Variants in MELK observed in about 807,000 individuals in gnomAD.
MELK encodes the protein pEg3 kinase.
Under a neutral mutation model 85.0 loss-of-function variants are expected in MELK, and 81 were observed. That is an observed-to-expected ratio of 0.95 (90% CI 0.80 to 1.15). The LOEUF is 1.15. Ranked by LOEUF, MELK falls within the 50% of genes most tolerant of loss-of-function variation. The pLI is 0.00. For missense variants in MELK, 754 were observed against 777.5 expected (o/e 0.97, Z 0.36); for synonymous variants, 252 against 265.0 (o/e 0.95, Z 0.48).
At chr9:36,664,755 G>C (rs1027029707) in intron 13 of MELK, among the ~76,000 whole-genome samples, 3 of 152,120 alleles carry the variant, frequency 2.0e-5, no homozygotes, top group African/African-American at 7.2e-5. Flanking sequence ...GAGGCCCAAG[G>C]CTTCTGTGGC....
chr9:36,602,346 C>T (rs935549844), intron 7 of MELK, among the ~76,000 whole-genome samples: 9 of 151,686 alleles, frequency 5.9e-5, no homozygotes, highest in African/African-American at 2.2e-4. Flanking sequence ...TAAAAATTAG[C>T]TAGGCATGGT....
At chr9:36,596,269 T>C (rs986253541) in intron 5 of MELK, among the ~76,000 whole-genome samples, 3 of 152,106 alleles carry the variant, frequency 2.0e-5, no homozygotes. Context: ...TGCTAGTGAG[T>C]CTTATGGGGA....
chr9:36,574,885 C>T (rs1821487515), intron 1 of MELK, among the ~76,000 whole-genome samples: 1 of 152,172 alleles, frequency 6.6e-6, no homozygotes, highest in Middle Eastern at 3.4e-3. Flanking sequence ...GCCTGTAATC[C>T]CAGCACTTTG....
intron 10 of MELK, among the ~76,000 whole-genome samples, chr9:36,636,994 G>A (rs1184444507): frequency 1.3e-5 from 2 of 151,572 alleles, no homozygotes; most frequent in East Asian, 1.9e-4. Context: ...GCCACCACCC[G>A]GCTAATTTTT....
intron 8 of MELK, among the ~76,000 whole-genome samples, chr9:36,616,166 A>G (rs1032753704): frequency 7.9e-5 from 12 of 152,052 alleles, no homozygotes; most frequent in Non-Finnish European, 8.8e-5. Context: ...AGTAAAATTG[A>G]CCCTTTGTAT....
chr9:36,618,049 A>G (rs1827022921), intron 8 of MELK, among the ~76,000 whole-genome samples: 1 of 151,726 alleles, frequency 6.6e-6, no homozygotes, highest in Non-Finnish European at 1.5e-5. Context: ...GGATTGCTTG[A>G]GCCTAGGAGT....
chr9:36,591,866 C>T (rs1823625324), intron 4 of MELK, among the ~76,000 whole-genome samples: 1 of 151,858 alleles, frequency 6.6e-6, no homozygotes, highest in African/African-American at 2.4e-5. Flanking sequence ...ATATAGGCTA[C>T]AGTGAGCTAT....
At chr9:36,669,828 G>T (rs1832730951) in intron 15 of MELK, among the ~76,000 whole-genome samples, 1 of 152,058 alleles carries the variant, frequency 6.6e-6, no homozygotes, top group Non-Finnish European at 1.5e-5. Flanking sequence ...AACTCTTCAA[G>T]TTGCTATTCT....
At chr9:36,585,743 C>A (rs1822824975) in intron 3 of MELK, among the ~76,000 whole-genome samples, 1 of 152,010 alleles carries the variant, frequency 6.6e-6, no homozygotes. Flanking sequence ...TCGAGACTAG[C>A]CTGGGCAATA....
At chr9:36,615,803 T>C (rs1168998540) in intron 8 of MELK, among the ~76,000 whole-genome samples, 31 of 143,512 alleles carry the variant, frequency 2.2e-4, no homozygotes, top group South Asian at 4.6e-4. Flanking sequence ...TGATGGCGGC[T>C]GGGAAGAGGC....
intron 8 of MELK, 115 bp from the exon 9 acceptor site, chr9:36,630,184 A>G (rs1384694876): frequency 1.3e-6 from 1 of 779,142 alleles, no homozygotes; most frequent in Non-Finnish European, 2.2e-6. Flanking sequence ...TTTACCAAGT[A>G]TTGTAGTTGG....
At chr9:36,620,047 G>C (rs1008274072) in intron 8 of MELK, among the ~76,000 whole-genome samples, 5 of 152,186 alleles carry the variant, frequency 3.3e-5, no homozygotes, top group African/African-American at 4.8e-5. Context: ...TCCTCTTACA[G>C]ATGAAGAAAT....
At chr9:36,604,360 C>T (rs955935526) in intron 7 of MELK, among the ~76,000 whole-genome samples, 6 of 146,004 alleles carry the variant, frequency 4.1e-5, no homozygotes, top group African/African-American at 1.5e-4. Context: ...CTCACTGCAA[C>T]CTCTGCCTCC....
Position 36,596,679 on chromosome 9 carries a change from C to T in MELK, c.406-543C>T, listed in dbSNP as rs149020106. Among the ~76,000 whole-genome samples the T allele has an allele frequency of 4.4e-3, 655 of 150,372 alleles. 9 individuals are homozygous for T. Among genetic ancestry groups the T allele is most frequent in the Admixed American group, 0.027 (408 of 15,058 alleles). On this transcript the variant is annotated intron_variant, in intron 5 of 17. Transcript: ENST00000298048. ...TCGGCTCACCCCAACCCCCGCCTCCCGGGCTCAAGCAGTTCTTTTGCCTCA... is the reference window on the plus strand; with the variant it reads ...TCGGCTCACCCCAACCCCCGCCTCCTGGGCTCAAGCAGTTCTTTTGCCTCA...
chr9:36,651,210 A>C (rs1237153283), intron 11 of MELK, among the ~76,000 whole-genome samples: 1 of 152,220 alleles, frequency 6.6e-6, no homozygotes, highest in Non-Finnish European at 1.5e-5. Context: ...GGCGTCTCCC[A>C]GGACCCTACT....
At position 36,589,540 on chromosome 9, in the gene MELK, A is replaced by AT; in HGVS notation, c.152dup (p.Leu51PhefsTer9). On this transcript the variant is annotated frameshift_variant, in exon 4 of 18. Transcript: ENST00000298048. LOFTEE classifies it high-confidence loss of function. ...CCATATGATGTTTTGTCACAGAGTG[A>AT]TTTGCCCCGGATCAAAACGGAGATT... The AT allele has an allele frequency of 6.2e-7, 1 of 1,612,286 alleles. No individual in the cohort carries two copies. Among genetic ancestry groups the AT allele is most frequent in the Non-Finnish European group, 8.5e-7 (1 of 1,178,414 alleles).
chr9:36,621,297 A>C (rs1294191815), intron 8 of MELK, among the ~76,000 whole-genome samples: 3 of 118,342 alleles, frequency 2.5e-5, no homozygotes, highest in East Asian at 2.2e-4. Context: ...AAAAAAAAAA[A>C]AAAAAAAAAA....
chr9:36,638,425 A>T (rs992955282), intron 10 of MELK, among the ~76,000 whole-genome samples: 3 of 152,110 alleles, frequency 2.0e-5, no homozygotes, highest in African/African-American at 7.2e-5. Context: ...AGCTGGGATT[A>T]CAGGCATGCG....
intron 10 of MELK, among the ~76,000 whole-genome samples, chr9:36,636,782 T>TCTGTCTGTCTGTCTG (rs1829220194): frequency 1.7e-4 from 18 of 107,672 alleles, no homozygotes; most frequent in African/African-American, 5.3e-4. Context: ...CTTTCTTTCT[T>TCTGTCTGTCTGTCTG]TCTGTCTGTC....
Sources: gnomAD v4.1 joint callset for allele counts (sites outside exome capture counted in the v4.1 genomes callset) on GRCh38, gnomAD v4.1.1 for gene constraint, MANE v1.5 for transcripts, NCBI Gene and HGNC (gene_info 2026-07-23, HGNC 2026-07-21) for gene names.